Variants in ACVR1C observed in about 807,000 individuals in gnomAD.
ACVR1C encodes activin receptor type-1C.
ACVR1C carries 23 observed loss-of-function variants against 57.9 expected under a neutral mutation model. The observed-to-expected ratio is 0.40, with a 90% CI of 0.29 to 0.56. The LOEUF (loss-of-function observed/expected upper bound fraction) is 0.56, where lower values mean the gene tolerates loss of function less well. Ranked by LOEUF, ACVR1C falls within the 20% of genes least tolerant of loss-of-function variation. ACVR1C has a pLI of 0.50. For synonymous variants in ACVR1C, 214 were observed against 215.3 expected (o/e 0.99, Z 0.05); for missense variants, 480 against 607.9 (o/e 0.79, Z 2.21).
chr2:157,618,320 G>A (rs1308789840), intron 1 of ACVR1C, among the ~76,000 whole-genome samples: 2 of 151,462 alleles, frequency 1.3e-5, no homozygotes, highest in East Asian at 1.9e-4. Flanking sequence ...GCATAGCTTA[G>A]AAACTAATAG....
intron 5 of ACVR1C, 112 bp downstream of exon 5, chr2:157,544,333 C>A: frequency 9.0e-7 from 1 of 1,108,274 alleles, no homozygotes; most frequent in Non-Finnish European, 1.2e-6. Context: ...GTATAAGCCA[C>A]CGTGCCCAGC....
chr2:157,604,150 C>A (rs1682341326), intron 1 of ACVR1C, among the ~76,000 whole-genome samples: 1 of 151,936 alleles, frequency 6.6e-6, no homozygotes, highest in South Asian at 2.1e-4. Context: ...GGGAGGAGAG[C>A]CAGGTTTATT....
chr2:157,544,562 C>A lies in ACVR1C; in HGVS notation c.826G>T (p.Gly276Cys), dbSNP rs1429636849. The A allele has an allele frequency of 6.2e-7, 1 of 1,613,578 alleles. No homozygotes were observed. Among genetic ancestry groups the A allele is most frequent in the Non-Finnish European group, 8.5e-7 (1 of 1,179,724 alleles). The change falls in exon 5 of 9, where the codon GGC becomes TGC. Residue 276 changes from glycine (G) to cysteine (C), a missense_variant. By Grantham distance (159) the Gly-to-Cys change is radical. Coordinates refer to ENST00000243349, the MANE Select transcript of ACVR1C (RefSeq NM_145259.3). ...LWLVSEYHEQ[G>C]SLYDYLNRNI... is the part of the protein sequence containing the mutation. Reference sequence around the variant, plus strand: ...CTATTCAAATAGTCATATAAGGAGCCCTGTTCATGATATTCAGATACCAGC... The same window carrying A: ...CTATTCAAATAGTCATATAAGGAGCACTGTTCATGATATTCAGATACCAGC...
chr2:157,534,188 G>A, intron 8 of ACVR1C, 145 bp from the exon 9 acceptor site: 1 of 619,658 alleles, frequency 1.6e-6, no homozygotes, highest in Non-Finnish European at 2.4e-6. Context: ...TCCCCAGGCT[G>A]GAGTACAATG....
intron 2 of ACVR1C, among the ~76,000 whole-genome samples, chr2:157,585,675 T>C (rs1456346549): frequency 6.6e-6 from 1 of 152,122 alleles, no homozygotes; most frequent in African/African-American, 2.4e-5. Flanking sequence ...GAGAAGACCA[T>C]TAAACATAAG....
At chr2:157,627,141 A>C (rs1682914974) in intron 1 of ACVR1C, among the ~76,000 whole-genome samples, 3 of 152,194 alleles carry the variant, frequency 2.0e-5, no homozygotes, top group Non-Finnish European at 4.4e-5. Flanking sequence ...TCCTCCAAAT[A>C]AAAAGAGTTG....
intron 2 of ACVR1C, among the ~76,000 whole-genome samples, chr2:157,578,776 C>T (rs1023464949): frequency 1.3e-5 from 2 of 152,138 alleles, no homozygotes; most frequent in Non-Finnish European, 1.5e-5. Flanking sequence ...TCTCTTTTCA[C>T]TTCTTGCTAT....
chr2:157,595,101 T>C (rs190028798), intron 1 of ACVR1C, among the ~76,000 whole-genome samples: 2 of 152,356 alleles, frequency 1.3e-5, no homozygotes, highest in Admixed American at 1.3e-4. Flanking sequence ...GCTCCTCCAG[T>C]GTGGGACAAT....
At chr2:157,593,059 CTT>C (rs1281287331) in intron 1 of ACVR1C, among the ~76,000 whole-genome samples, 1 of 152,106 alleles carries the variant, frequency 6.6e-6, no homozygotes, top group Non-Finnish European at 1.5e-5. Flanking sequence ...TTTATCCACT[CTT>C]TGCCAATTCG....
chr2:157,626,053 G>A (rs944857008), intron 1 of ACVR1C, among the ~76,000 whole-genome samples: 2 of 152,100 alleles, frequency 1.3e-5, no homozygotes, highest in Non-Finnish European at 2.9e-5. Context: ...CTGCAATCTT[G>A]AACTCCTGGT....
chr2:157,548,150 C>A (rs1373543805), intron 4 of ACVR1C, among the ~76,000 whole-genome samples: 2 of 150,328 alleles, frequency 1.3e-5, no homozygotes. Flanking sequence ...AAACAGAGAG[C>A]CAAATCATGA....
At chr2:157,539,040 T>C (rs552025249) in intron 7 of ACVR1C, among the ~76,000 whole-genome samples, 77 of 150,646 alleles carry the variant, frequency 5.1e-4, no homozygotes, top group South Asian at 3.9e-3. Context: ...TTTTCTATTA[T>C]TAAAATTATG....
intron 1 of ACVR1C, among the ~76,000 whole-genome samples, chr2:157,623,460 T>G (rs537474675): frequency 1.3e-5 from 2 of 152,088 alleles, no homozygotes; most frequent in African/African-American, 4.8e-5. Flanking sequence ...TGCAACAACA[T>G]GGATGGAAGT....
chr2:157,554,872 C>T (rs1022547948), intron 3 of ACVR1C, among the ~76,000 whole-genome samples: 3 of 151,750 alleles, frequency 2.0e-5, no homozygotes, highest in Non-Finnish European at 4.4e-5. Flanking sequence ...TACTCTTGTT[C>T]GTATTTTCAT....
chr2:157,596,356 C>G (rs573247863), intron 1 of ACVR1C, among the ~76,000 whole-genome samples: 2 of 152,056 alleles, frequency 1.3e-5, no homozygotes, highest in African/African-American at 4.8e-5. Flanking sequence ...ACGATACTTG[C>G]CCCTTGACAA....
At chr2:157,538,837 T>C in intron 7 of ACVR1C, 134 bp from the exon 8 acceptor site, 1 of 586,494 alleles carries the variant, frequency 1.7e-6, no homozygotes, top group Non-Finnish European at 2.5e-6. Context: ...ATTAAAATAA[T>C]GTGTCACTAT....
chr2:157,544,768 T>G (rs1242048792), intron 4 of ACVR1C, among the ~76,000 whole-genome samples, 156 bp from the exon 5 acceptor site: 1 of 152,250 alleles, frequency 6.6e-6, no homozygotes, highest in Non-Finnish European at 1.5e-5. Flanking sequence ...GAAAAAATTC[T>G]CAATGAATTC....
intron 3 of ACVR1C, among the ~76,000 whole-genome samples, chr2:157,551,877 C>T (rs923550863): frequency 6.6e-6 from 1 of 152,156 alleles, no homozygotes; most frequent in South Asian, 2.1e-4. Flanking sequence ...TAAATAAGCA[C>T]AGACTACAAA....
chr2:157,561,179 C>T (rs1422690733), intron 2 of ACVR1C, among the ~76,000 whole-genome samples: 1 of 152,194 alleles, frequency 6.6e-6, no homozygotes, highest in Admixed American at 6.5e-5. Context: ...TGCATTAAAA[C>T]CAATCCCCCT....
Sources: gnomAD v4.1 joint callset for allele counts (sites outside exome capture counted in the v4.1 genomes callset) on GRCh38, gnomAD v4.1.1 for gene constraint, MANE v1.5 for transcripts, NCBI Gene and HGNC (gene_info 2026-07-23, HGNC 2026-07-21) for gene names.